Variants in FNDC1 observed in about 807,000 individuals in gnomAD.
The protein encoded by FNDC1 is fibronectin type III domain containing 1, also known as fibronectin type III domain-containing protein 1.
Under a neutral mutation model 168.0 loss-of-function variants are expected in FNDC1, and 96 were observed. The ratio of observed to expected loss-of-function variants is 0.57; its 90% confidence interval spans 0.48 to 0.68. The LOEUF (loss-of-function observed/expected upper bound fraction) is 0.68. FNDC1 is among the 30% of genes least tolerant of loss of function. The pLI, the probability that FNDC1 is intolerant of heterozygous loss-of-function variation, is 0.00. For missense variants in FNDC1, 2,587 were observed against 2,482.1 expected (o/e 1.04, Z -0.90); for synonymous variants, 1,099 against 1,025.9 (o/e 1.07, Z -1.36).
intron 5 of FNDC1, among the ~76,000 whole-genome samples, chr6:159,216,335 T>C (rs966189760): frequency 3.9e-5 from 6 of 152,204 alleles, no homozygotes; most frequent in African/African-American, 7.2e-5. Context: ...CTCCCTTTTG[T>C]CCAGCCCCTT....
At chr6:159,174,712 T>G (rs1781729114) in intron 1 of FNDC1, among the ~76,000 whole-genome samples, 1 of 152,230 alleles carries the variant, frequency 6.6e-6, no homozygotes, top group African/African-American at 2.4e-5. Context: ...TAAGCACTGA[T>G]GAGAAAGGAA....
chr6:159,188,541 A>T (rs1435490595), intron 1 of FNDC1, among the ~76,000 whole-genome samples: 1 of 144,960 alleles, frequency 6.9e-6, no homozygotes, highest in Non-Finnish European at 1.5e-5. Context: ...GGCCCGGCTA[A>T]TTTTTTTTTT....
chr6:159,194,460 G>A (rs925256349), intron 1 of FNDC1, among the ~76,000 whole-genome samples: 2 of 152,200 alleles, frequency 1.3e-5, no homozygotes, highest in African/African-American at 4.8e-5. Flanking sequence ...GTCCAGCAGA[G>A]AGGATGGTCT....
chr6:159,233,506 C>A lies in FNDC1; in HGVS notation c.2994C>A (p.Pro998=). The A allele has an allele frequency of 6.2e-7, 1 of 1,602,888 alleles. No individual in the cohort carries two copies. Residue 998 remains proline (P), a synonymous_variant, in exon 11 of 23, where the codon CCC becomes CCA. Coordinates refer to ENST00000297267, the MANE Select transcript of FNDC1 (RefSeq NM_032532.3). The surrounding 1 kb of genome is among the most constrained non-coding windows in gnomAD (Gnocchi z 4.6). ...CCAGTGTTCCCAGAAGGATGACACC[C>A]GGCCGGGCCCCACAACAGCAGCCCC... ...QHPSVPRRMT[P]GRAPQQQPPP...
intron 1 of FNDC1, among the ~76,000 whole-genome samples, chr6:159,181,834 T>C (rs536400185): frequency 6.6e-6 from 1 of 152,362 alleles, no homozygotes; most frequent in East Asian, 1.9e-4. Flanking sequence ...AAGGCAGTCT[T>C]GTTCTACCAC....
At chr6:159,187,430 C>T (rs144917982) in intron 1 of FNDC1, among the ~76,000 whole-genome samples, 509 of 152,240 alleles carry the variant, frequency 3.3e-3, no homozygotes, top group Non-Finnish European at 5.9e-3. Context: ...AGTTCAGACT[C>T]CAAAGAGCTA....
At chr6:159,268,016 C>T in intron 22 of FNDC1, 90 bp downstream of exon 22, 1 of 1,389,760 alleles carries the variant, frequency 7.2e-7, no homozygotes. Flanking sequence ...TCTGCCTTTG[C>T]CTTGTCATTC....
intron 1 of FNDC1, among the ~76,000 whole-genome samples, chr6:159,188,518 G>A (rs769404672): frequency 1.3e-5 from 2 of 151,596 alleles, no homozygotes; most frequent in South Asian, 2.1e-4. Flanking sequence ...GGGACTACAG[G>A]TGCCCGCCAC....
At chr6:159,193,480 A>G (rs965808036) in intron 1 of FNDC1, among the ~76,000 whole-genome samples, 2 of 152,096 alleles carry the variant, frequency 1.3e-5, no homozygotes, top group African/African-American at 4.8e-5. Flanking sequence ...CATTTAAGTG[A>G]GCACCAAGTG....
chr6:159,240,472 A>G (rs1783394271), intron 14 of FNDC1, among the ~76,000 whole-genome samples: 1 of 152,228 alleles, frequency 6.6e-6, no homozygotes, highest in African/African-American at 2.4e-5. Context: ...ATCTCCAAGA[A>G]AAGGAATGTT....
chr6:159,233,267 C>A lies in FNDC1; in HGVS notation c.2755C>A (p.Leu919Met), dbSNP rs771161973. ...LRRSPQRGASLHRKEPIPENP... is the reference protein window; with the variant it reads ...LRRSPQRGASMHRKEPIPENP... The stretch of plus-strand genomic sequence containing the variant: ...GAGAAGCCCGCAGAGAGGGGCCAGC[C>A]TGCATCGGAAGGAACCCATCCCAGA... Residue 919 changes from leucine (L) to methionine (M), a missense_variant, in exon 11 of 23, where the codon CTG becomes ATG. Physicochemically the swap from Leu to Met is conservative, Grantham distance 15. Transcript: ENST00000297267. The surrounding 1 kb of genome is among the most constrained non-coding windows in gnomAD (Gnocchi z 4.6). 2 of 1,613,980 alleles carry A rather than the reference C, an allele frequency of 1.2e-6. No individual in the cohort carries two copies. Among genetic ancestry groups the A allele is most frequent in the Non-Finnish European group, 1.7e-6 (2 of 1,179,878 alleles).
intron 15 of FNDC1, among the ~76,000 whole-genome samples, chr6:159,248,006 T>G (rs1777172571): frequency 1.3e-5 from 2 of 152,384 alleles, no homozygotes; most frequent in South Asian, 4.1e-4. Context: ...CTAATTGTCT[T>G]AAATCACAAC....
intron 1 of FNDC1, among the ~76,000 whole-genome samples, chr6:159,190,360 T>A (rs1477474520): frequency 3.3e-5 from 5 of 152,238 alleles, no homozygotes; most frequent in Non-Finnish European, 5.9e-5. Flanking sequence ...TGGTCGGCCT[T>A]CTTTCTTTAC....
At chr6:159,224,861 C>T (rs1782918782) in intron 7 of FNDC1, among the ~76,000 whole-genome samples, 1 of 152,204 alleles carries the variant, frequency 6.6e-6, no homozygotes, top group Non-Finnish European at 1.5e-5. Flanking sequence ...ATGGCATTTG[C>T]AGCTCTTAGA....
intron 1 of FNDC1, among the ~76,000 whole-genome samples, chr6:159,180,877 A>G (rs751097279): frequency 2.6e-5 from 4 of 152,110 alleles, no homozygotes; most frequent in East Asian, 1.9e-4. Flanking sequence ...AATCCAGTCT[A>G]TCACTGATGT....
rs774243734 is a variant in FNDC1 at position 159,232,347 on chromosome 6, C to T, written c.1835C>T (p.Ala612Val). 8.1e-6 allele frequency: 13 copies of T among 1,613,334 alleles called. No homozygotes were observed. In the South Asian group the frequency reaches 1.4e-4, roughly 18 times the overall value. The change falls in exon 11 of 23, where the codon GCG becomes GTG. Residue 612 changes from alanine to valine, a missense_variant. Physicochemically the swap from Ala to Val is moderately conservative, Grantham distance 64. Transcript: ENST00000297267. The surrounding 1 kb of genome is among the most constrained non-coding windows in gnomAD (Gnocchi z 4.9). Reference sequence around the variant, plus strand: ...CTGGCCACGCAGCCCCGCCCAGGGGCGCCCCCCTCGGCTTCGGCCTCTCCT... The same window carrying T: ...CTGGCCACGCAGCCCCGCCCAGGGGTGCCCCCCTCGGCTTCGGCCTCTCCT... The part of the protein sequence containing the change: ...FSLATQPRPG[A>V]PPSASASPAH...
At position 159,253,656 on chromosome 6, in the gene FNDC1, C is replaced by T. The variant is rs189582986; in HGVS notation, c.5065+2124C>T. Among the ~76,000 whole-genome samples the T allele has an allele frequency of 1.7e-4, 26 of 152,314 alleles. 1 individual carries two copies. Among genetic ancestry groups the T allele is most frequent in the Middle Eastern group, 3.4e-3 (1 of 294 alleles). On this transcript the variant is annotated intron_variant, in intron 17 of 22. Coordinates refer to ENST00000297267, the MANE Select transcript of FNDC1 (RefSeq NM_032532.3). ...GAGTGATTCTGTAGGAAATCACCAA[C>T]GTGATGACCTCTTAGTTTTTCAGGA...
At position 159,231,222 on chromosome 6, in the gene FNDC1, A is replaced by C. The variant is rs1441520907; in HGVS notation, c.1370-660A>C. On this transcript the variant is annotated intron_variant, in intron 10 of 22. Coordinates refer to ENST00000297267, the MANE Select transcript of FNDC1 (RefSeq NM_032532.3). ...AACCCCATCTCTACTAAAAATACAAAAAATTAGCCGGGCGCGGTGGCGGGC... is the reference window on the plus strand; with the variant it reads ...AACCCCATCTCTACTAAAAATACAACAAATTAGCCGGGCGCGGTGGCGGGC... Among the ~76,000 whole-genome samples the C allele has an allele frequency of 1.3e-4, 10 of 79,998 alleles. 3 individuals carry two copies. Among genetic ancestry groups the C allele is most frequent in the African/African-American group, 3.0e-4 (10 of 33,520 alleles). The allele number at this position is 79,998 out of a possible 152,430, so 52.5% of individuals were successfully genotyped here.
chr6:159,225,193 ACG>A (rs145575633), intron 7 of FNDC1, among the ~76,000 whole-genome samples: 22,386 of 151,590 alleles, frequency 0.15, 1,912 homozygotes, highest in East Asian at 0.36. Flanking sequence ...ACACACACAC[ACG>A]CACAGTCACA....
Sources: allele counts gnomAD v4.1 joint callset (sites outside exome capture counted in the v4.1 genomes callset), GRCh38; gene constraint gnomAD v4.1.1; non-coding constraint Gnocchi (gnomAD v3.1); transcripts MANE v1.5; gene names NCBI Gene and HGNC (gene_info 2026-07-23, HGNC 2026-07-21).